RAB38: variants seen among roughly 807,000 people sequenced by gnomAD.
The protein encoded by RAB38 is RAB38, member RAS oncogene family.
RAB38 carries 15 observed loss-of-function variants against 18.4 expected under a neutral mutation model. The observed-to-expected ratio is 0.82, with a 90% CI of 0.55 to 1.26. The LOEUF is 1.26. Ranked by LOEUF, RAB38 falls within the 50% of genes most tolerant of loss-of-function variation. RAB38 has a pLI of 0.00. For missense variants in RAB38, 294 were observed against 267.4 expected (o/e 1.10, Z -0.69); for synonymous variants, 101 against 104.4 (o/e 0.97, Z 0.20).
At chr11:87,819,551 A>T in the RAB38 span, among the ~76,000 whole-genome samples, 1 of 152,000 alleles carries the variant, frequency 6.6e-6, no homozygotes, top group Non-Finnish European at 1.5e-5. Context: ...TAATTACATT[A>T]AAAATTAATT....
chr11:88,020,802 A>G, the RAB38 span, among the ~76,000 whole-genome samples: 2 of 152,190 alleles, frequency 1.3e-5, no homozygotes, highest in Non-Finnish European at 2.9e-5. Context: ...GACTTTTGGA[A>G]ATGATAAAAA....
At chr11:88,040,571 G>A in the RAB38 span, among the ~76,000 whole-genome samples, 1 of 152,116 alleles carries the variant, frequency 6.6e-6, no homozygotes, top group East Asian at 1.9e-4. Context: ...TGGGTATGGT[G>A]GCTCATGCCT....
the RAB38 span, among the ~76,000 whole-genome samples, chr11:87,946,342 C>A: frequency 6.6e-6 from 1 of 152,242 alleles, no homozygotes; most frequent in Admixed American, 6.5e-5. Flanking sequence ...ATTTGGAATT[C>A]AGTCTTTGAT....
chr11:88,027,213 T>C, the RAB38 span, among the ~76,000 whole-genome samples: 1 of 152,114 alleles, frequency 6.6e-6, no homozygotes. Flanking sequence ...TTTTTTTGCA[T>C]CCATTAAGAA....
chr11:87,953,639 G>C, the RAB38 span, among the ~76,000 whole-genome samples: 1 of 152,092 alleles, frequency 6.6e-6, no homozygotes, highest in Non-Finnish European at 1.5e-5. Context: ...TCAAAGGTAT[G>C]TATGCATAGG....
the RAB38 span, among the ~76,000 whole-genome samples, chr11:87,947,579 A>G: frequency 0.19 from 28,728 of 151,052 alleles, 2,974 homozygotes; most frequent in South Asian, 0.37. Flanking sequence ...AGTGTAAGGA[A>G]GGCATCCAGT....
At chr11:87,944,968 T>G in the RAB38 span, among the ~76,000 whole-genome samples, 2 of 152,200 alleles carry the variant, frequency 1.3e-5, no homozygotes, top group Admixed American at 1.3e-4. Context: ...CTTTGTTTTC[T>G]GTTTGCATTC....
the RAB38 span, among the ~76,000 whole-genome samples, chr11:88,031,921 A>T: frequency 6.6e-6 from 1 of 151,978 alleles, no homozygotes; most frequent in Non-Finnish European, 1.5e-5. Flanking sequence ...CGCATCGCCA[A>T]GTCAATCCTA....
At chr11:87,829,015 T>C in the RAB38 span, among the ~76,000 whole-genome samples, 1 of 152,216 alleles carries the variant, frequency 6.6e-6, no homozygotes, top group East Asian at 1.9e-4. Flanking sequence ...CTGATTCACC[T>C]TGAAAGTACT....
At chr11:87,929,354 C>T in the RAB38 span, among the ~76,000 whole-genome samples, 1 of 151,514 alleles carries the variant, frequency 6.6e-6, no homozygotes, top group Non-Finnish European at 1.5e-5. Context: ...TTATCTCATT[C>T]CTTTTTTTTT....
At chr11:87,951,927 A>T in the RAB38 span, among the ~76,000 whole-genome samples, 4 of 152,018 alleles carry the variant, frequency 2.6e-5, no homozygotes, top group East Asian at 7.7e-4. Context: ...TTCAAAGCTC[A>T]GTTGGAAATG....
the RAB38 span, among the ~76,000 whole-genome samples, chr11:88,031,808 G>A: frequency 6.6e-5 from 10 of 152,100 alleles, no homozygotes; most frequent in Non-Finnish European, 1.3e-4. Flanking sequence ...TACTGCCCAA[G>A]GTAATTTACA....
the RAB38 span, among the ~76,000 whole-genome samples, chr11:88,073,890 C>A: frequency 6.6e-6 from 1 of 151,450 alleles, no homozygotes; most frequent in Non-Finnish European, 1.5e-5. Flanking sequence ...ATTTGTTGAA[C>A]TGGAAAATTC....
chr11:87,868,780 C>G, the RAB38 span, among the ~76,000 whole-genome samples: 1 of 151,654 alleles, frequency 6.6e-6, no homozygotes, highest in African/African-American at 2.4e-5. Flanking sequence ...TGCCCCCATC[C>G]TCTCTTCTGG....
At chr11:87,854,140 GT>G in the RAB38 span, among the ~76,000 whole-genome samples, 6 of 151,808 alleles carry the variant, frequency 4.0e-5, no homozygotes, top group African/African-American at 1.5e-4. Flanking sequence ...TTTTTGTTTT[GT>G]TTTGGTTTTT....
the RAB38 span, among the ~76,000 whole-genome samples, chr11:87,852,574 A>T: frequency 6.6e-6 from 1 of 152,170 alleles, no homozygotes; most frequent in Non-Finnish European, 1.5e-5. Context: ...ATGGCACACC[A>T]CGGTTCAAAT....
chr11:88,027,616 A>T, the RAB38 span, among the ~76,000 whole-genome samples: 1 of 152,330 alleles, frequency 6.6e-6, no homozygotes. Context: ...AGTCTCGCTG[A>T]TTGCTAGCAC....
intron 2 of RAB38, among the ~76,000 whole-genome samples, chr11:88,126,627 C>T (rs1942698157): frequency 6.6e-6 from 1 of 151,884 alleles, no homozygotes; most frequent in South Asian, 2.1e-4. Flanking sequence ...GTGCAGCACA[C>T]CAACATGGCA....
the RAB38 span, among the ~76,000 whole-genome samples, chr11:87,903,223 C>T: frequency 4.0e-5 from 6 of 151,164 alleles, no homozygotes; most frequent in Non-Finnish European, 8.9e-5. Context: ...TTGGTAGATG[C>T]CTTTTATTAG....
Sources: gnomAD v4.1 joint callset for allele counts (sites outside exome capture counted in the v4.1 genomes callset) on GRCh38, gnomAD v4.1.1 for gene constraint, MANE v1.5 for transcripts, NCBI Gene and HGNC (gene_info 2026-07-23, HGNC 2026-07-21) for gene names.